The following TGFBR3 variants were observed in gnomAD, a reference collection of about 807,000 sequenced individuals.
TGFBR3 encodes the protein transforming growth factor beta receptor 3.
Under a neutral mutation model 87.9 loss-of-function variants are expected in TGFBR3, and 46 were observed. The observed-to-expected ratio is 0.52, with a 90% confidence interval of 0.41 to 0.67. The LOEUF is 0.67. Ranked by LOEUF, TGFBR3 falls within the 30% of genes least tolerant of loss-of-function variation. TGFBR3 has a pLI of 0.00. For synonymous variants in TGFBR3, 381 were observed against 391.6 expected, an observed-to-expected ratio of 0.97 and a Z score of 0.32; for missense variants, 866 against 1,041.9, an observed-to-expected ratio of 0.83 and a Z score of 2.32.
chr1:91,726,833 A>T (rs997939767), intron 7 of TGFBR3, among the ~76,000 whole-genome samples: 1 of 151,436 alleles, frequency 6.6e-6, no homozygotes. Context: ...CCCATAGAAG[A>T]GATACTAAAG....
At chr1:91,730,909 C>T (rs975831219) in intron 5 of TGFBR3, among the ~76,000 whole-genome samples, 7 of 152,370 alleles carry the variant, frequency 4.6e-5, no homozygotes, top group Admixed American at 3.3e-4. Flanking sequence ...TTGCTCACCA[C>T]CTCCACCCGG....
In TGFBR3 at chr1:91,716,236, C is replaced by T. The variant is rs752318641; in HGVS notation, c.1866G>A (p.Glu622=). 3 of 1,613,898 alleles carry T rather than the reference C, an allele frequency of 1.9e-6. No individual in the cohort carries two copies. Among genetic ancestry groups the T allele is most frequent in the Non-Finnish European group, 2.5e-6 (3 of 1,179,994 alleles). Residue 622 remains glutamate, a splice_region_variant and synonymous_variant, in exon 12 of 17, where the codon GAG becomes GAA. Transcript: ENST00000212355. ...GTCAAGGCTAACTTTCAGGTCTCACCTCAACATAAACGTGTCCATTCTCTG... is the reference window on the plus strand; with the variant it reads ...GTCAAGGCTAACTTTCAGGTCTCACTTCAACATAAACGTGTCCATTCTCTG... ...SVPENGHVYV[E]VSVTKAEQEL...
intron 5 of TGFBR3, among the ~76,000 whole-genome samples, chr1:91,731,341 C>A (rs528830206): frequency 2.0e-5 from 3 of 152,176 alleles, no homozygotes; most frequent in African/African-American, 7.2e-5. Flanking sequence ...CTGGCCACCA[C>A]AGCACCCCCA....
At position 91,861,623 on chromosome 1, in the gene TGFBR3, C is replaced by A; in HGVS notation, c.-92G>T. 1 of 1,002,242 alleles carries A rather than the reference C, an allele frequency of 1.0e-6. No homozygotes were observed. Among genetic ancestry groups the A allele is most frequent in the South Asian group, 1.3e-5 (1 of 76,788 alleles). The allele number at this position is 1,002,242 out of a possible 1,614,324, so 62.1% of individuals were successfully genotyped here. A position where few individuals can be genotyped will look rare whatever the true frequency, so the allele number is the denominator to read the frequency against. ...CAAATCAGAAGTAGTCTTAAAGTCC[C>A]TCCTTGCAATTTTCAAACTGCCTGT... On this transcript the variant is annotated 5_prime_UTR_variant, in exon 2 of 17. The change creates a new upstream start codon in the 5' untranslated region. Transcript: ENST00000212355.
chr1:91,882,357 G>A (rs922141742), intron 1 of TGFBR3, among the ~76,000 whole-genome samples: 2 of 151,500 alleles, frequency 1.3e-5, no homozygotes, highest in African/African-American at 2.4e-5. Flanking sequence ...GGCTGGTCTC[G>A]AACTCCTGAC....
chr1:91,797,028 T>C (rs1675413251), intron 3 of TGFBR3, among the ~76,000 whole-genome samples: 1 of 152,128 alleles, frequency 6.6e-6, no homozygotes, highest in South Asian at 2.1e-4. Flanking sequence ...TCACCATGCC[T>C]GGCCTAAAAG....
intron 1 of TGFBR3, chr1:91,866,751 G>A (rs1473160184): frequency 2.6e-5 from 4 of 152,306 alleles, no homozygotes; most frequent in South Asian, 2.1e-4. Flanking sequence ...AAAAGTATAC[G>A]CAACCTGAGG....
chr1:91,740,368 ATTTT>A (rs780530073), intron 4 of TGFBR3, among the ~76,000 whole-genome samples: 1 of 133,640 alleles, frequency 7.5e-6, no homozygotes, highest in South Asian at 2.4e-4. Context: ...TGGGATTACA[ATTTT>A]TTTTTTTTTT....
At chr1:91,860,630 G>C (rs940772162) in intron 2 of TGFBR3, among the ~76,000 whole-genome samples, 1 of 152,016 alleles carries the variant, frequency 6.6e-6, no homozygotes, top group Non-Finnish European at 1.5e-5. Flanking sequence ...ATCTCATTTG[G>C]CCTCCAGGAA....
intron 2 of TGFBR3, among the ~76,000 whole-genome samples, chr1:91,839,672 A>G (rs1208876239): frequency 1.3e-5 from 2 of 152,214 alleles, no homozygotes; most frequent in Non-Finnish European, 2.9e-5. Context: ...ATTGAGGGAC[A>G]TTCTCCAGTA....
At chr1:91,808,274 T>G (rs1429554985) in intron 2 of TGFBR3, among the ~76,000 whole-genome samples, 1 of 152,150 alleles carries the variant, frequency 6.6e-6, no homozygotes, top group Non-Finnish European at 1.5e-5. Flanking sequence ...TAAAAAAATT[T>G]TTTTAATTAA....
intron 14 of TGFBR3, among the ~76,000 whole-genome samples, chr1:91,698,794 A>G (rs1425027968): frequency 2.6e-5 from 4 of 152,204 alleles, no homozygotes; most frequent in Non-Finnish European, 5.9e-5. Flanking sequence ...GGCGCGAGCC[A>G]CTGCGCCCAG....
At chr1:91,786,832 G>C (rs1004641038) in intron 3 of TGFBR3, among the ~76,000 whole-genome samples, 1 of 152,176 alleles carries the variant, frequency 6.6e-6, no homozygotes, top group African/African-American at 2.4e-5. Context: ...TGGTGACATT[G>C]ATGGGTCAGG....
intron 2 of TGFBR3, among the ~76,000 whole-genome samples, chr1:91,837,378 T>C (rs1010228920): frequency 2.0e-5 from 3 of 152,236 alleles, no homozygotes; most frequent in Middle Eastern, 6.8e-3. Flanking sequence ...CCCAAGTAGC[T>C]GGGATTACAG....
chr1:91,838,025 G>T (rs1677121793), intron 2 of TGFBR3, among the ~76,000 whole-genome samples: 1 of 152,138 alleles, frequency 6.6e-6, no homozygotes, highest in African/African-American at 2.4e-5. Context: ...AAGAAACTTG[G>T]AGATAGTACA....
chr1:91,726,845 G>A (rs973299730), intron 7 of TGFBR3, among the ~76,000 whole-genome samples: 28 of 142,918 alleles, frequency 2.0e-4, no homozygotes, highest in African/African-American at 7.0e-4. Context: ...ATACTAAAGA[G>A]ATAATTATCT....
At chr1:91,698,062 T>C in intron 15 of TGFBR3, 27 bp downstream of exon 15, 4 of 1,612,134 alleles carry the variant, frequency 2.5e-6, no homozygotes, top group Non-Finnish European at 2.5e-6. Context: ...GGAGGTTTTA[T>C]TTCGAAATAG....
intron 12 of TGFBR3, among the ~76,000 whole-genome samples, chr1:91,714,091 A>G (rs1672080542): frequency 6.6e-6 from 1 of 151,924 alleles, no homozygotes. Context: ...ACCAGAAGTG[A>G]GTAGGAGAAG....
intron 3 of TGFBR3, among the ~76,000 whole-genome samples, chr1:91,778,748 T>G (rs950295828): frequency 6.6e-6 from 1 of 152,176 alleles, no homozygotes; most frequent in African/African-American, 2.4e-5. Context: ...CAACTAAAGA[T>G]AAAACATCTA....
Sources: allele counts gnomAD v4.1 joint callset (sites outside exome capture counted in the v4.1 genomes callset), GRCh38; gene constraint gnomAD v4.1.1; transcripts MANE v1.5; gene names NCBI Gene and HGNC (gene_info 2026-07-23, HGNC 2026-07-21).